Variants in FAM120B observed in about 807,000 individuals in gnomAD.
FAM120B encodes the protein family with sequence similarity 120 member B.
FAM120B carries 83 observed loss-of-function variants against 96.3 expected under a neutral mutation model. The observed-to-expected ratio is 0.86, with a 90% CI of 0.72 to 1.03. The LOEUF (loss-of-function observed/expected upper bound fraction) is 1.03. FAM120B is among the 50% of genes least tolerant of loss of function. FAM120B has a pLI of 0.00. For missense variants in FAM120B, 1,027 were observed against 1,121.2 expected, an observed-to-expected ratio of 0.92 and a Z score of 1.20; for synonymous variants, 407 against 402.7, an observed-to-expected ratio of 1.01 and a Z score of -0.13.
rs144143595 is a variant in FAM120B at position 170,319,075 on chromosome 6, C to A, written c.1685C>A (p.Pro562His). 4.2e-5 allele frequency: 67 copies of A among 1,589,594 alleles called. No individual in the cohort carries two copies. Among genetic ancestry groups the A allele is most frequent in the Non-Finnish European group, 5.5e-5 (64 of 1,168,988 alleles). Reference protein sequence around the residue: ...IKQEDPTNVGPEVKQQVTMVS... With the variant: ...IKQEDPTNVGHEVKQQVTMVS... ...CAAGAAGACCCCACAAATGTGGGGC[C>A]TGAAGTAAAGCAACAAGTAACCATG... Residue 562 changes from proline (P) to histidine (H), a missense_variant, in exon 2 of 11, where the codon CCT (proline) becomes CAT (histidine). Coordinates refer to ENST00000476287, the MANE Select transcript of FAM120B (RefSeq NM_032448.3).
chr6:170,400,535 T>G (rs1437161711), intron 9 of FAM120B, among the ~76,000 whole-genome samples: 1 of 152,128 alleles, frequency 6.6e-6, no homozygotes, highest in Non-Finnish European at 1.5e-5. Flanking sequence ...TGGCCTGCCC[T>G]TAGGGGATCC....
At chr6:170,373,710 T>C (rs1214067321) in intron 6 of FAM120B, among the ~76,000 whole-genome samples, 1 of 152,156 alleles carries the variant, frequency 6.6e-6, no homozygotes, top group Non-Finnish European at 1.5e-5. Context: ...TACGTTATAA[T>C]TAGAAAAGTA....
At chr6:170,291,878 C>A (rs906573259), upstream of FAM120B, among the ~76,000 whole-genome samples, 8 of 152,228 alleles carry the variant, frequency 5.3e-5, no homozygotes, top group Admixed American at 5.2e-4. Context: ...GATCCTCGGC[C>A]GCCGCCACCT....
chr6:170,337,767 A>T (rs928177037), intron 4 of FAM120B, among the ~76,000 whole-genome samples: 1 of 152,072 alleles, frequency 6.6e-6, no homozygotes, highest in South Asian at 2.1e-4. Flanking sequence ...TGGAAGGTGT[A>T]TGTGTCCAGG....
intron 2 of FAM120B, among the ~76,000 whole-genome samples, chr6:170,321,302 G>T (rs755264262): frequency 7.2e-5 from 11 of 152,148 alleles, no homozygotes; most frequent in Non-Finnish European, 1.2e-4. Flanking sequence ...AGGTAGAAAG[G>T]CTGTGGGCAC....
chr6:170,378,229 T>C (rs1022923455), intron 6 of FAM120B, among the ~76,000 whole-genome samples: 5 of 152,218 alleles, frequency 3.3e-5, no homozygotes, highest in Non-Finnish European at 5.9e-5. Flanking sequence ...TATTAATCTT[T>C]AGCATACCCA....
chr6:170,345,273 C>G (rs1253145491), intron 4 of FAM120B, among the ~76,000 whole-genome samples: 1 of 152,150 alleles, frequency 6.6e-6, no homozygotes, highest in Non-Finnish European at 1.5e-5. Flanking sequence ...TTTATTAATG[C>G]CCTGCCCCAA....
chr6:170,398,911 A>G (rs1459518461), intron 9 of FAM120B, among the ~76,000 whole-genome samples: 2 of 151,862 alleles, frequency 1.3e-5, no homozygotes, highest in African/African-American at 4.8e-5. Context: ...GAAAGGTAGA[A>G]CTATGTCATA....
chr6:170,296,811 C>T (rs1363831553), intron 1 of FAM120B, among the ~76,000 whole-genome samples: 2 of 152,298 alleles, frequency 1.3e-5, no homozygotes, highest in African/African-American at 4.8e-5. Context: ...GGCCGCCACC[C>T]TCCGCCTCCG....
At chr6:170,385,319 G>T (rs565951703) in intron 6 of FAM120B, among the ~76,000 whole-genome samples, 2 of 152,304 alleles carry the variant, frequency 1.3e-5, no homozygotes, top group South Asian at 4.1e-4. Flanking sequence ...GTGGGATGAA[G>T]CTGAAAGCTG....
intron 5 of FAM120B, among the ~76,000 whole-genome samples, chr6:170,356,865 A>G (rs1008052619): frequency 1.1e-4 from 16 of 152,304 alleles, no homozygotes; most frequent in African/African-American, 3.8e-4. Context: ...AGTTTACATC[A>G]TAGAAATGCA....
At chr6:170,302,118 T>G (rs2005444), upstream of FAM120B, among the ~76,000 whole-genome samples, 4 of 152,130 alleles carry the variant, frequency 2.6e-5, no homozygotes, top group African/African-American at 9.7e-5. Context: ...CTGGGTGATT[T>G]ATAAAGGAAA....
chr6:170,393,920 G>A (rs201056035), intron 8 of FAM120B, among the ~76,000 whole-genome samples: 2 of 149,490 alleles, frequency 1.3e-5, no homozygotes, highest in African/African-American at 2.5e-5. Context: ...CAAGCTACTC[G>A]GTGTGTTGGC....
rs563016548 is a variant in FAM120B, at chr6:170,404,868, C to T, written c.*117C>T. On this transcript the variant is annotated 3_prime_UTR_variant, in exon 11 of 11. Coordinates refer to ENST00000476287, the MANE Select transcript of FAM120B (RefSeq NM_032448.3). ...GACCATGCCTGTGGGAGCCAGGCCT[C>T]GCTTGCATGAAGAAGGAACGATGCC... 61 of 451,914 alleles carry T rather than the reference C, an allele frequency of 1.3e-4. 2 individuals carry two copies. In the East Asian group the frequency reaches 1.9e-3, roughly 14 times the overall value. 28.0% of individuals were successfully genotyped at this position (451,914 alleles called of 1,614,324 possible). A position where few individuals can be genotyped will look rare whatever the true frequency, so the allele number is the denominator to read the frequency against.
chr6:170,402,992 G>A (rs1455818091), intron 9 of FAM120B, among the ~76,000 whole-genome samples: 1 of 152,180 alleles, frequency 6.6e-6, no homozygotes. Context: ...CCAGAAAGTA[G>A]CTCTGGGAGA....
At chr6:170,303,462 C>T (rs1367519834), upstream of FAM120B, among the ~76,000 whole-genome samples, 1 of 152,160 alleles carries the variant, frequency 6.6e-6, no homozygotes, top group Non-Finnish European at 1.5e-5. Context: ...GGCTGGTCTC[C>T]AACTCCTGGG....
intron 4 of FAM120B, among the ~76,000 whole-genome samples, chr6:170,346,997 GA>G (rs1427094912): frequency 6.6e-6 from 1 of 152,048 alleles, no homozygotes; most frequent in African/African-American, 2.4e-5. Flanking sequence ...AATAAATAAT[GA>G]AAAAGCTTTT....
chr6:170,291,494 G>C (rs1384147270), upstream of FAM120B, among the ~76,000 whole-genome samples: 3 of 152,184 alleles, frequency 2.0e-5, no homozygotes, highest in Non-Finnish European at 4.4e-5. Flanking sequence ...CCTTCTTCGG[G>C]GCAGGCGCTT....
Position 170,404,602 on chromosome 6 carries a change from G to A in FAM120B, c.*11+1G>A, listed in dbSNP as rs760609941. ...GGAGAAGGTACTAGTCAACCTCCAG[G>A]TAAGTTCATCACCTGCATCTCCAGA... On this transcript the variant is annotated splice_donor_variant, in intron 10 of 10. Transcript: ENST00000476287. LOFTEE classifies it low-confidence loss of function (3UTR_SPLICE). The A allele has an allele frequency of 1.9e-6, 3 of 1,610,990 alleles. No individual in the cohort carries two copies. Among genetic ancestry groups the A allele is most frequent in the East Asian group, 2.2e-5 (1 of 44,878 alleles).
Sources: gnomAD v4.1 joint callset for allele counts (sites outside exome capture counted in the v4.1 genomes callset) on GRCh38, gnomAD v4.1.1 for gene constraint, MANE v1.5 for transcripts, NCBI Gene and HGNC (gene_info 2026-07-23, HGNC 2026-07-21) for gene names.